Variants in ALDH1L2 observed in about 807,000 individuals in gnomAD.
ALDH1L2 encodes the protein aldehyde dehydrogenase 1 family member L2.
In ALDH1L2, 91 loss-of-function variants were observed where a neutral mutation model predicts 111.0. That is an observed-to-expected ratio of 0.82 (90% CI 0.69 to 0.98). ALDH1L2 has a LOEUF of 0.98. Ranked by LOEUF, ALDH1L2 falls within the 50% of genes least tolerant of loss-of-function variation. The pLI is 0.00. For synonymous variants in ALDH1L2, 374 were observed against 392.6 expected (o/e 0.95, Z 0.56); for missense variants, 995 against 1,126.8 (o/e 0.88, Z 1.67).
At chr12:105,074,179 C>T (rs953339602) in intron 1 of ALDH1L2, 174 bp from the exon 2 acceptor site, 10 of 768,482 alleles carry the variant, frequency 1.3e-5, no homozygotes, top group African/African-American at 1.8e-5. Context: ...TACCCTTGGC[C>T]GGGCACGGTG....
intron 13 of ALDH1L2, among the ~76,000 whole-genome samples, chr12:105,047,192 C>G (rs1875975909): frequency 6.6e-6 from 1 of 152,122 alleles, no homozygotes; most frequent in Admixed American, 6.5e-5. Context: ...TAGTCCATTC[C>G]TAATTGCTTG....
At chr12:105,041,069 C>A (rs1004084659) in intron 15 of ALDH1L2, among the ~76,000 whole-genome samples, 5 of 152,160 alleles carry the variant, frequency 3.3e-5, no homozygotes, top group African/African-American at 1.2e-4. Flanking sequence ...ACAAGAAATT[C>A]TTTTACATAA....
chr12:105,022,801 G>A lies in ALDH1L2; in HGVS notation c.*1623C>T, dbSNP rs1874222998. 1 of 152,094 alleles carries A rather than the reference G, an allele frequency of 6.6e-6. No individual in the cohort carries two copies. The highest frequency in any genetic ancestry group is 1.5e-5 in the Non-Finnish European group (1 of 67,982). 9.4% of individuals were successfully genotyped at this position (152,094 alleles called of 1,614,324 possible). ...GAAAATGTTCTCTGACTCTGATTTT[G>A]TTGTTTAGTTTTTATTGATTCCCTA... On this transcript the variant is annotated 3_prime_UTR_variant, in exon 23 of 23. Transcript: ENST00000258494.
At position 105,035,867 on chromosome 12, in the gene ALDH1L2, A is replaced by G. The variant is rs866708146; in HGVS notation, c.2146-1469T>C. On this transcript the variant is annotated intron_variant, in intron 18 of 22. Transcript: ENST00000258494. Reference sequence around the variant, plus strand: ...TGTGTGTGTGTGTGTGTGTGTGTGTATACACACACACATATATATACGTAT... The same window carrying G: ...TGTGTGTGTGTGTGTGTGTGTGTGTGTACACACACACATATATATACGTAT... Among the ~76,000 whole-genome samples the G allele has an allele frequency of 4.8e-3, 421 of 86,918 alleles. 45 individuals carry two copies. The highest frequency in any genetic ancestry group is 0.016 in the African/African-American group (315 of 19,344). The allele number at this position is 86,918 out of a possible 152,430, so 57.0% of individuals were successfully genotyped here.
At chr12:105,044,717 T>C (rs569131405) in intron 15 of ALDH1L2, among the ~76,000 whole-genome samples, 3 of 151,942 alleles carry the variant, frequency 2.0e-5, no homozygotes, top group African/African-American at 7.2e-5. Flanking sequence ...TAGAAACATA[T>C]ACTATAAATA....
chr12:105,074,091 A>C, intron 1 of ALDH1L2, 86 bp from the exon 2 acceptor site: 1 of 1,516,962 alleles, frequency 6.6e-7, no homozygotes, highest in Non-Finnish European at 9.0e-7. Flanking sequence ...GCTATTGGGT[A>C]CGATGTTCAC....
chr12:105,052,108 CTT>C lies in ALDH1L2; in HGVS notation c.1515_1516del (p.Gly507LysfsTer5). 2 of 1,607,672 alleles carry C rather than the reference CTT, an allele frequency of 1.2e-6. No individual in the cohort carries two copies. The highest frequency in any genetic ancestry group is 1.1e-5 in the South Asian group (1 of 89,646). On this transcript the variant is annotated frameshift_variant, in exon 12 of 23. Coordinates refer to ENST00000258494, the MANE Select transcript of ALDH1L2 (RefSeq NM_001034173.4). LOFTEE classifies it high-confidence loss of function. The stretch of plus-strand genomic sequence containing the variant: ...GAAATACCTATACATCAATCTTCCT[CTT>C]TCTCTTGCATTCATTCTTCCCCATT...
chr12:105,055,094 G>A (rs535640964), intron 10 of ALDH1L2, among the ~76,000 whole-genome samples: 6 of 152,310 alleles, frequency 3.9e-5, no homozygotes, highest in Middle Eastern at 6.8e-3. Flanking sequence ...GCTTGTGCAT[G>A]TGCCCAGAAA....
chr12:105,064,965 T>C (rs779064422), intron 6 of ALDH1L2, among the ~76,000 whole-genome samples: 42 of 152,282 alleles, frequency 2.8e-4, no homozygotes, highest in Admixed American at 6.5e-4. Context: ...TGAGCTTTTC[T>C]AGGAAGCCTT....
intron 12 of ALDH1L2, among the ~76,000 whole-genome samples, chr12:105,050,916 C>G (rs1876219385): frequency 6.6e-6 from 1 of 152,076 alleles, no homozygotes; most frequent in Admixed American, 6.6e-5. Flanking sequence ...AGCTACAATT[C>G]AAGATGAGAT....
chr12:105,035,837 ATATG>A lies in ALDH1L2; in HGVS notation c.2146-1443_2146-1440del, dbSNP rs894321821. Reference sequence around the variant, plus strand: ...ATATATAGTGTGTCTATATATATATATATGTGTGTGTGTGTGTGTGTGTGTGTGT... The same window carrying A: ...ATATATAGTGTGTCTATATATATATATGTGTGTGTGTGTGTGTGTGTGTGT... On this transcript the variant is annotated intron_variant, in intron 18 of 22. Coordinates refer to ENST00000258494, the MANE Select transcript of ALDH1L2 (RefSeq NM_001034173.4). 2.2e-4 allele frequency among the ~76,000 whole-genome samples: 21 copies of A among 95,638 alleles called. 2 individuals are homozygous for A. Among genetic ancestry groups the A allele is most frequent in the African/African-American group, 8.5e-4 (11 of 12,900 alleles). The allele number at this position is 95,638 out of a possible 152,430, so 62.7% of individuals were successfully genotyped here. A position where few individuals can be genotyped will look rare whatever the true frequency, so the allele number is the denominator to read the frequency against.
At chr12:105,040,581 G>A in intron 16 of ALDH1L2, 26 bp downstream of exon 16, 2 of 1,609,478 alleles carry the variant, frequency 1.2e-6, no homozygotes, top group Non-Finnish European at 1.7e-6. Context: ...ATTAGTTATA[G>A]CACAGTCGGT....
intron 18 of ALDH1L2, among the ~76,000 whole-genome samples, chr12:105,036,501 GTATATATATATTTTATATATATATA>G (rs1875112622): frequency 3.1e-5 from 1 of 32,106 alleles, no homozygotes; most frequent in Non-Finnish European, 5.9e-5. Flanking sequence ...ATTTATATAT[GTATATATATATTTTATATATATATA>G]TATATATATA....
At chr12:105,051,103 TC>T (rs1876232411) in intron 12 of ALDH1L2, among the ~76,000 whole-genome samples, 1 of 152,240 alleles carries the variant, frequency 6.6e-6, no homozygotes, top group Non-Finnish European at 1.5e-5. Flanking sequence ...TCTTCCTTGT[TC>T]CTATTCCTTA....
chr12:105,074,149 A>T (rs998218432), intron 1 of ALDH1L2, 144 bp from the exon 2 acceptor site: 2 of 1,032,948 alleles, frequency 1.9e-6, no homozygotes, highest in South Asian at 3.3e-5. Flanking sequence ...CCACTACTCA[A>T]TATATGCATG....
At chr12:105,046,452 A>C (rs985757775) in intron 15 of ALDH1L2, among the ~76,000 whole-genome samples, 1 of 151,656 alleles carries the variant, frequency 6.6e-6, no homozygotes, top group Non-Finnish European at 1.5e-5. Flanking sequence ...ATTGGTTCGT[A>C]GAAAGTCATT....
In ALDH1L2 at chr12:105,034,304, C is replaced by G; in HGVS notation, c.2240G>C (p.Arg747Thr). The change falls in exon 19 of 23, where the codon AGA (arginine) becomes ACA (threonine). Residue 747 changes from arginine to threonine, a missense_variant. Physicochemically the swap from Arg to Thr is moderately conservative, Grantham distance 71. Coordinates refer to ENST00000258494, the MANE Select transcript of ALDH1L2 (RefSeq NM_001034173.4). Reference sequence around the variant, plus strand: ...GTAAATGTGAAGGTGCCTCACCACTCTTGTCACAAATTCGTCGTGGATGGA... The same window carrying G: ...GTAAATGTGAAGGTGCCTCACCACTGTTGTCACAAATTCGTCGTGGATGGA... ...EESIHDEFVTRVVEEIKKMKI... is the reference protein window; with the variant it reads ...EESIHDEFVTTVVEEIKKMKI... 6.2e-7 allele frequency: 1 copy of G among 1,613,822 alleles called. No homozygotes were observed. The highest frequency in any genetic ancestry group is 1.7e-5 in the Admixed American group (1 of 59,994).
rs1479403751 is a variant in ALDH1L2, at chr12:105,050,053, G to A, written c.1541C>T (p.Ala514Val). 1.9e-6 allele frequency: 3 copies of A among 1,592,726 alleles called. No individual in the cohort carries two copies. The East Asian group carries it at 6.7e-5, about 36-fold the overall frequency. The change falls in exon 13 of 23, where the codon GCA becomes GTA. Residue 514 changes from alanine (A) to valine (V), a missense_variant. Coordinates refer to ENST00000258494, the MANE Select transcript of ALDH1L2 (RefSeq NM_001034173.4). ...TTCTTGGTTCTCTTCCAGTAGGTCT[G>A]CAAGTCTGTGTGGTCAGTGAAAGAA... ...RERGRLMYRL[A>V]DLLEENQEEL...
At chr12:105,084,259 G>C (rs992461388) in intron 1 of ALDH1L2, 130 bp downstream of exon 1, 1 of 1,063,486 alleles carries the variant, frequency 9.4e-7, no homozygotes, top group African/African-American at 1.7e-5. Flanking sequence ...TGTTTTAAAC[G>C]CTGTCTTGGT....
Sources: allele counts gnomAD v4.1 joint callset (sites outside exome capture counted in the v4.1 genomes callset), GRCh38; gene constraint gnomAD v4.1.1; transcripts MANE v1.5; gene names NCBI Gene and HGNC (gene_info 2026-07-23, HGNC 2026-07-21).